The following SMYD3 variants were observed in gnomAD, a reference collection of about 807,000 sequenced individuals.
SMYD3 encodes the protein SET and MYND domain containing 3, also known as histone-lysine N-methyltransferase SMYD3.
In SMYD3, 36 loss-of-function variants were observed where a neutral mutation model predicts 57.7. The observed-to-expected ratio is 0.62, with a 90% CI of 0.48 to 0.82. The LOEUF is 0.82. Ranked by LOEUF, SMYD3 falls within the 40% of genes least tolerant of loss-of-function variation. SMYD3 has a pLI of 0.00. For missense variants in SMYD3, 515 were observed against 538.8 expected, an observed-to-expected ratio of 0.96 and a Z score of 0.44; for synonymous variants, 211 against 195.0, an observed-to-expected ratio of 1.08 and a Z score of -0.68.
At chr1:246,090,798 T>C (rs761009147) in intron 5 of SMYD3, among the ~76,000 whole-genome samples, 2 of 152,130 alleles carry the variant, frequency 1.3e-5, no homozygotes, top group Admixed American at 6.5e-5. Flanking sequence ...ATTACAGGCA[T>C]GAGCTACCAC....
intron 8 of SMYD3, among the ~76,000 whole-genome samples, chr1:245,892,105 G>C (rs748871051): frequency 1.8e-4 from 27 of 152,168 alleles, no homozygotes; most frequent in South Asian, 6.2e-4. Context: ...AACCAAACAA[G>C]AGGCACTAGG....
intron 1 of SMYD3, among the ~76,000 whole-genome samples, chr1:246,414,948 C>G (rs149435418): frequency 6.6e-6 from 1 of 152,038 alleles, no homozygotes; most frequent in Non-Finnish European, 1.5e-5. Flanking sequence ...AACTCCTGAC[C>G]TCAGGTGATC....
chr1:245,925,234 A>T (rs866940961), intron 7 of SMYD3, among the ~76,000 whole-genome samples: 1 of 152,154 alleles, frequency 6.6e-6, no homozygotes, highest in Non-Finnish European at 1.5e-5. Context: ...ATATTTATAC[A>T]TATTTATGGG....
At chr1:246,384,677 G>A (rs992148808) in intron 1 of SMYD3, among the ~76,000 whole-genome samples, 39 of 152,244 alleles carry the variant, frequency 2.6e-4, no homozygotes, top group South Asian at 4.1e-4. Context: ...GATTACAGGC[G>A]TGAGCCACTG....
intron 5 of SMYD3, among the ~76,000 whole-genome samples, chr1:246,064,173 C>T (rs536892015): frequency 1.3e-5 from 2 of 152,236 alleles, no homozygotes; most frequent in African/African-American, 4.8e-5. Context: ...GCATCACTGC[C>T]GGAACTCCTA....
rs552078870 is a variant in SMYD3, at chr1:245,821,912, G to A, written c.1076+36584C>T. Among the ~76,000 whole-genome samples the A allele has an allele frequency of 4.4e-3, 660 of 151,010 alleles. 1 individual carries two copies. The highest frequency in any genetic ancestry group is 6.0e-3 in the Non-Finnish European group (407 of 67,458). On this transcript the variant is annotated intron_variant, in intron 10 of 11. Transcript: ENST00000490107. ...TCAGGAAACAACAGGTGCTGGAGAG[G>A]ATGTGGAGAAATAGGAACACTTTTA...
chr1:245,765,344 A>T (rs1356182400), intron 10 of SMYD3, among the ~76,000 whole-genome samples: 3 of 151,568 alleles, frequency 2.0e-5, no homozygotes, highest in Non-Finnish European at 4.4e-5. Context: ...CTGCAGTTTC[A>T]CACCACTGCA....
At chr1:245,880,147 C>T (rs1034461357) in intron 8 of SMYD3, among the ~76,000 whole-genome samples, 3 of 152,326 alleles carry the variant, frequency 2.0e-5, no homozygotes, top group East Asian at 1.9e-4. Context: ...CCATGCACAC[C>T]GCTGCTGTCT....
In SMYD3 at chr1:245,896,389, C is replaced by CAAAAAAAA. The variant is rs3052904; in HGVS notation, c.813+19133_813+19140dup. ...GGAACCAAAAATAGCTTTGCCAAGT[C>CAAAAAAAA]AAAAAAAAAAAAAAAAACAGGCAAT... On this transcript the variant is annotated intron_variant, in intron 8 of 11. Coordinates refer to ENST00000490107, the MANE Select transcript of SMYD3 (RefSeq NM_001167740.2). Among the ~76,000 whole-genome samples the CAAAAAAAA allele has an allele frequency of 8.1e-4, 60 of 73,694 alleles. 4 individuals are homozygous for CAAAAAAAA. The highest frequency in any genetic ancestry group is 3.5e-3 in the African/African-American group (51 of 14,486). The allele number at this position is 73,694 out of a possible 152,430, so 48.3% of individuals were successfully genotyped here.
chr1:246,324,984 C>CGGGGGGGCGGG (rs144656985), intron 5 of SMYD3, among the ~76,000 whole-genome samples: 1 of 92,810 alleles, frequency 1.1e-5, no homozygotes, highest in Non-Finnish European at 2.1e-5. Flanking sequence ...GAGAAGGAGT[C>CGGGGGGGCGGG]AGGGGGCGGG....
chr1:246,132,848 A>G (rs916615273), intron 5 of SMYD3, among the ~76,000 whole-genome samples: 1 of 152,158 alleles, frequency 6.6e-6, no homozygotes, highest in African/African-American at 2.4e-5. Flanking sequence ...TCTCCAAAGA[A>G]GAATTACAAA....
chr1:246,386,917 C>T (rs1448329542), intron 1 of SMYD3, among the ~76,000 whole-genome samples: 2 of 150,918 alleles, frequency 1.3e-5, no homozygotes, highest in Admixed American at 6.6e-5. Flanking sequence ...TTTTTGTGCA[C>T]AGAATATGAA....
At chr1:246,455,738 T>C (rs1270888051) in intron 1 of SMYD3, among the ~76,000 whole-genome samples, 1 of 152,246 alleles carries the variant, frequency 6.6e-6, no homozygotes, top group African/African-American at 2.4e-5. Context: ...CCTCAAAGAA[T>C]TTATGGCAAA....
chr1:246,165,651 C>A (rs958151171), intron 5 of SMYD3, among the ~76,000 whole-genome samples: 4 of 152,074 alleles, frequency 2.6e-5, no homozygotes, highest in Admixed American at 2.0e-4. Flanking sequence ...GCTGAAGAGG[C>A]CACCATGTAC....
intron 1 of SMYD3, among the ~76,000 whole-genome samples, chr1:246,501,515 T>C (rs1488336473): frequency 6.6e-6 from 1 of 152,214 alleles, no homozygotes; most frequent in African/African-American, 2.4e-5. Flanking sequence ...CAACCCATTA[T>C]CTGACCACTC....
At chr1:245,868,221 T>C (rs2051986076) in intron 8 of SMYD3, among the ~76,000 whole-genome samples, 1 of 152,208 alleles carries the variant, frequency 6.6e-6, no homozygotes, top group African/African-American at 2.4e-5. Flanking sequence ...GCTTACATAA[T>C]TGGTCCAAAT....
At chr1:246,262,569 A>G (rs2064030887) in intron 5 of SMYD3, among the ~76,000 whole-genome samples, 1 of 152,090 alleles carries the variant, frequency 6.6e-6, no homozygotes, top group African/African-American at 2.4e-5. Flanking sequence ...TCTTCCTTTC[A>G]GTTAACATAT....
At chr1:246,420,464 G>A (rs2102996915) in intron 1 of SMYD3, among the ~76,000 whole-genome samples, 1 of 152,320 alleles carries the variant, frequency 6.6e-6, no homozygotes, top group South Asian at 2.1e-4. Context: ...ATTCAGTCAA[G>A]CTGAAATCAT....
chr1:245,883,532 G>T (rs192036269), intron 8 of SMYD3, among the ~76,000 whole-genome samples: 238 of 152,244 alleles, frequency 1.6e-3, no homozygotes, highest in African/African-American at 5.3e-3. Context: ...CAAAACATCA[G>T]GACTGGAGTC....
Sources: gnomAD v4.1 joint callset for allele counts (sites outside exome capture counted in the v4.1 genomes callset) on GRCh38, gnomAD v4.1.1 for gene constraint, MANE v1.5 for transcripts, NCBI Gene and HGNC (gene_info 2026-07-23, HGNC 2026-07-21) for gene names.